The following PSMA6 variants were observed in gnomAD, a reference collection of about 807,000 sequenced individuals.
PSMA6 encodes proteasome 20S subunit alpha 6, also known as proteasome subunit alpha type-6.
For missense variants in PSMA6, 170 were observed against 294.8 expected, an observed-to-expected ratio of 0.58 and a Z score of 3.10; for synonymous variants, 88 against 97.7, an observed-to-expected ratio of 0.90 and a Z score of 0.59.
intron 1 of PSMA6, among the ~76,000 whole-genome samples, chr14:35,299,389 C>G (rs949168304): frequency 8.0e-6 from 1 of 125,538 alleles, no homozygotes. Flanking sequence ...GTGGTGCAAT[C>G]TCGGCTTGCT....
intron 1 of PSMA6, among the ~76,000 whole-genome samples, chr14:35,297,481 C>T (rs1434324297): frequency 6.6e-6 from 1 of 152,110 alleles, no homozygotes; most frequent in Admixed American, 6.6e-5. Context: ...TCCCAAAGTG[C>T]TGGGATTACA....
chr14:35,315,451 A>C (rs930035943), intron 6 of PSMA6: 8 of 151,694 alleles, frequency 5.3e-5, no homozygotes, highest in African/African-American at 1.9e-4. Flanking sequence ...TCAGCTCCTC[A>C]GGAGGCTGAG....
intron 3 of PSMA6, among the ~76,000 whole-genome samples, chr14:35,309,927 A>G (rs1267423580): frequency 6.6e-6 from 1 of 152,036 alleles, no homozygotes; most frequent in African/African-American, 2.4e-5. Flanking sequence ...AGCCAAGATC[A>G]TGAGACTGTA....
chr14:35,314,442 A>G lies in PSMA6; in HGVS notation c.670A>G (p.Asn224Asp). The change falls in exon 6 of 7, where the codon AAT becomes GAT. Residue 224 changes from asparagine (N) to aspartate (D), a missense_variant. By Grantham distance (23) the Asn-to-Asp change is conservative. Coordinates refer to ENST00000261479, the MANE Select transcript of PSMA6 (RefSeq NM_002791.3). ...AGAAGTTGGAGTAGTGACAGTTGAA[A>G]ATCCTAAATTCAGGTGAGTGATATT... ...EIEVGVVTVE[N>D]PKFRILTEAE... is the part of the protein sequence containing the mutation. 1.2e-6 allele frequency: 2 copies of G among 1,610,910 alleles called. No individual in the cohort carries two copies. Among genetic ancestry groups the G allele is most frequent in the Non-Finnish European group, 1.7e-6 (2 of 1,177,922 alleles).
rs533408806 is a variant in PSMA6 at position 35,282,315 on chromosome 14, G to A, written c.19+3597G>A. 6.6e-5 allele frequency among the ~76,000 whole-genome samples: 10 copies of A among 152,244 alleles called. No homozygotes were observed. In the East Asian group the frequency reaches 1.3e-3, roughly 21 times the overall value. On this transcript the variant is annotated intron_variant, in intron 1 of 6. Coordinates refer to the PSMA6 transcript ENST00000540871. Reference sequence around the variant, plus strand: ...AGCAGTGTGATCATGACTCACTGCAGCCTTGACCTCCTGGACTCAAGCAAT... The same window carrying A: ...AGCAGTGTGATCATGACTCACTGCAACCTTGACCTCCTGGACTCAAGCAAT...
chr14:35,308,586 T>C, intron 2 of PSMA6: 1 of 279,288 alleles, frequency 3.6e-6, no homozygotes, highest in Non-Finnish European at 6.7e-6. Flanking sequence ...GTGGACAGAA[T>C]TAACTTATTA....
intron 5 of PSMA6, 68 bp from the exon 6 acceptor site, chr14:35,314,293 G>C (rs1025584412): frequency 1.4e-6 from 2 of 1,436,480 alleles, no homozygotes; most frequent in Non-Finnish European, 9.2e-7. Flanking sequence ...ATTTGAATAA[G>C]CTAGGAATGA....
chr14:35,310,701 C>A, intron 3 of PSMA6, 39 bp from the exon 4 acceptor site: 3 of 1,606,372 alleles, frequency 1.9e-6, no homozygotes, highest in Non-Finnish European at 2.5e-6. Flanking sequence ...TTTGTTCTTT[C>A]CTTCTAACCA....
chr14:35,300,313 A>G (rs1338139264), intron 1 of PSMA6, among the ~76,000 whole-genome samples: 2 of 152,178 alleles, frequency 1.3e-5, no homozygotes, highest in Admixed American at 1.3e-4. Context: ...TGCAGAATAT[A>G]TAAAATGAAA....
chr14:35,286,522 T>A (rs2051423439), intron 1 of PSMA6, among the ~76,000 whole-genome samples: 1 of 152,098 alleles, frequency 6.6e-6, no homozygotes, highest in Non-Finnish European at 1.5e-5. Context: ...AAGACAGAGC[T>A]TGGAAAAACA....
At position 35,285,058 on chromosome 14, in the gene PSMA6, A is replaced by G. The variant is rs369176939; in HGVS notation, c.19+6340A>G. Among the ~76,000 whole-genome samples the G allele has an allele frequency of 7.8e-4, 119 of 152,336 alleles. 1 individual carries two copies. Among genetic ancestry groups the G allele is most frequent in the African/African-American group, 2.7e-3 (113 of 41,580 alleles). ...CATCAAGTCATTCAAAAGCAAGTAG[A>G]AAATAAAACTGGAGTCAGGTGCGAT... is the stretch of plus-strand genomic sequence containing the variant. On this transcript the variant is annotated intron_variant, in intron 1 of 6. Coordinates refer to the PSMA6 transcript ENST00000540871.
intron 3 of PSMA6, among the ~76,000 whole-genome samples, chr14:35,309,491 A>G (rs898803272): frequency 1.3e-5 from 2 of 151,878 alleles, no homozygotes; most frequent in Non-Finnish European, 1.5e-5. Context: ...CTCTATAACA[A>G]ATTTAGAAAT....
At position 35,303,609 on chromosome 14, in the gene PSMA6, A is replaced by G. The variant is rs372876516; in HGVS notation, c.77-4385A>G. 2.6e-4 allele frequency among the ~76,000 whole-genome samples: 40 copies of G among 152,294 alleles called. No homozygotes were observed. In the East Asian group the frequency reaches 6.2e-3, roughly 23 times the overall value. On this transcript the variant is annotated intron_variant, in intron 1 of 6. Transcript: ENST00000261479. ...GGTAGTTGTTGTTTTGTTTAGAGTTAGTACTTTTTATTTGTGGAGGGCTGA... is the reference window on the plus strand; with the variant it reads ...GGTAGTTGTTGTTTTGTTTAGAGTTGGTACTTTTTATTTGTGGAGGGCTGA...
At chr14:35,279,377 T>G (rs1660141181) in intron 1 of PSMA6, among the ~76,000 whole-genome samples, 2 of 152,028 alleles carry the variant, frequency 1.3e-5, no homozygotes, top group Admixed American at 1.3e-4. Flanking sequence ...TAATGTAAAT[T>G]CATAAAAAGG....
rs747612979 is a variant in PSMA6, at chr14:35,292,429, G to T, written c.-48G>T. Reference sequence around the variant, plus strand: ...GGGAGGTGCTTGTGTGCCTGGTGCGGGAGCTACGGGGCCCAGGGATTGTGT... The same window carrying T: ...GGGAGGTGCTTGTGTGCCTGGTGCGTGAGCTACGGGGCCCAGGGATTGTGT... On this transcript the variant is annotated 5_prime_UTR_variant, in exon 1 of 7. Coordinates refer to ENST00000261479, the MANE Select transcript of PSMA6 (RefSeq NM_002791.3). The T allele has an allele frequency of 1.9e-6, 3 of 1,588,712 alleles. No homozygotes were observed. Among genetic ancestry groups the T allele is most frequent in the Non-Finnish European group, 2.6e-6 (3 of 1,167,800 alleles).
intron 3 of PSMA6, among the ~76,000 whole-genome samples, 174 bp downstream of exon 3, chr14:35,309,169 T>C (rs1409326060): frequency 6.6e-6 from 1 of 152,236 alleles, no homozygotes; most frequent in African/African-American, 2.4e-5. Context: ...TATTGTGAGC[T>C]TTTTTGAAAT....
At chr14:35,289,181 T>C (rs954384538), upstream of PSMA6, among the ~76,000 whole-genome samples, 1 of 152,350 alleles carries the variant, frequency 6.6e-6, no homozygotes, top group East Asian at 1.9e-4. Context: ...TAGGGATTCA[T>C]TCATTCAACT....
intron 1 of PSMA6, among the ~76,000 whole-genome samples, chr14:35,301,617 A>G (rs955400187): frequency 6.6e-5 from 10 of 152,214 alleles, no homozygotes; most frequent in African/African-American, 2.4e-4. Context: ...CAAATATAGA[A>G]CATTGCCAGC....
chr14:35,310,833 A>G lies in PSMA6; in HGVS notation c.347A>G (p.Lys116Arg). 6.2e-7 allele frequency: 1 copy of G among 1,613,762 alleles called. No individual in the cohort carries two copies. The highest frequency in any genetic ancestry group is 8.5e-7 in the Non-Finnish European group (1 of 1,179,870). Residue 116 changes from lysine (K) to arginine (R), a missense_variant, in exon 4 of 7, where the codon AAA (lysine) becomes AGA (arginine). Transcript: ENST00000261479. ...GAGATTCCTGTGGACATGCTGTGTA[A>G]AAGAATTGCCGATATTTCTCAGGTC... The part of the protein sequence containing the change: ...GYEIPVDMLC[K>R]RIADISQVYT...
Sources: allele counts gnomAD v4.1 joint callset (sites outside exome capture counted in the v4.1 genomes callset), GRCh38; gene constraint gnomAD v4.1.1; transcripts MANE v1.5; gene names NCBI Gene and HGNC (gene_info 2026-07-23, HGNC 2026-07-21).